The following USP53 variants were observed in gnomAD, a reference collection of about 807,000 sequenced individuals.
The protein encoded by USP53 is ubiquitin carboxyl-terminal hydrolase 53.
Under a neutral mutation model 94.9 loss-of-function variants are expected in USP53, and 71 were observed. The observed-to-expected ratio is 0.75, with a 90% CI of 0.62 to 0.91. The LOEUF (loss-of-function observed/expected upper bound fraction) is 0.91, where lower values mean the gene tolerates loss of function less well. Ranked by LOEUF, USP53 falls within the 40% of genes least tolerant of loss-of-function variation. The probability of loss-of-function intolerance (pLI) is 0.00; values close to 1 mark genes in which losing one functional copy is unlikely to be tolerated. For synonymous variants in USP53, 375 were observed against 422.7 expected (o/e 0.89, Z 1.39); for missense variants, 1,173 against 1,281.0 (o/e 0.92, Z 1.29).
intron 17 of USP53, among the ~76,000 whole-genome samples, chr4:119,290,819 A>G (rs1285142342): frequency 3.3e-5 from 5 of 152,266 alleles, no homozygotes; most frequent in African/African-American, 1.2e-4. Flanking sequence ...GCGATCTTCA[A>G]ATGCAGGGTT....
At chr4:119,260,776 A>G (rs1750394711) in intron 11 of USP53, 123 bp downstream of exon 11, 1 of 1,069,104 alleles carries the variant, frequency 9.4e-7, no homozygotes, top group South Asian at 1.9e-5. Context: ...CCTTTACTAC[A>G]TAGACTAGGA....
intron 3 of USP53, among the ~76,000 whole-genome samples, chr4:119,233,437 ATATT>A (rs1186742577): frequency 1.3e-5 from 2 of 152,006 alleles, no homozygotes; most frequent in Middle Eastern, 3.4e-3. Context: ...ATTTCTAGAG[ATATT>A]TATTTATTTC....
rs761960621 is a variant in USP53 at position 119,268,331 on chromosome 4, C to A, written c.1199C>A (p.Ala400Glu). ...AAAGAAAATGGATTTGGTGATCAGG[C>A]AAAGCAGAGAGAAAATCAGAAATTT... ...NLKENGFGDQ[A>E]KQRENQKFPT... Residue 400 changes from alanine (A) to glutamate (E), a missense_variant, in exon 14 of 19, where the codon GCA becomes GAA. Coordinates refer to ENST00000692078, the MANE Select transcript of USP53 (RefSeq NM_001371395.1). 6.2e-7 allele frequency: 1 copy of A among 1,613,740 alleles called. No homozygotes were observed. Among genetic ancestry groups the A allele is most frequent in the South Asian group, 1.1e-5 (1 of 91,058 alleles).
chr4:119,260,322 CTTTTA>C (rs2149385464), intron 10 of USP53, among the ~76,000 whole-genome samples, 180 bp from the exon 11 acceptor site: 1 of 151,974 alleles, frequency 6.6e-6, no homozygotes, highest in African/African-American at 2.4e-5. Flanking sequence ...TCAAAGAATA[CTTTTA>C]TTTAAAATAA....
intron 17 of USP53, among the ~76,000 whole-genome samples, chr4:119,275,159 T>C (rs1418907993): frequency 8.7e-5 from 5 of 57,464 alleles, no homozygotes; most frequent in African/African-American, 3.3e-4. Context: ...GTTTTGGACA[T>C]GAAGTCCTTG....
Position 119,212,741 on chromosome 4 carries a change from A to T in USP53, c.-1074A>T, listed in dbSNP as rs1013031488. 3.9e-5 allele frequency: 13 copies of T among 329,726 alleles called. No individual in the cohort carries two copies. The highest frequency in any genetic ancestry group is 2.8e-4 in the African/African-American group (13 of 46,386). 20.4% of individuals were successfully genotyped at this position (329,726 alleles called of 1,614,324 possible). A position where few individuals can be genotyped will look rare whatever the true frequency, so the allele number is the denominator to read the frequency against. ...TCCCGGTGAGCCTCGGTACTGTGGCAGCAGTCAGTGTGTCTGGCGGGTGTC... is the reference window on the plus strand; with the variant it reads ...TCCCGGTGAGCCTCGGTACTGTGGCTGCAGTCAGTGTGTCTGGCGGGTGTC... On this transcript the variant is annotated 5_prime_UTR_variant, in exon 1 of 19. Transcript: ENST00000692078.
chr4:119,282,027 T>C (rs1293328328), intron 17 of USP53, among the ~76,000 whole-genome samples: 1 of 152,106 alleles, frequency 6.6e-6, no homozygotes, highest in African/African-American at 2.4e-5. Flanking sequence ...TCTCTGTGAA[T>C]TGGACTATTT....
intron 3 of USP53, among the ~76,000 whole-genome samples, chr4:119,223,314 A>G (rs1744799746): frequency 6.6e-6 from 1 of 152,208 alleles, no homozygotes; most frequent in Non-Finnish European, 1.5e-5. Flanking sequence ...GAGGAAAGCA[A>G]TTGTGAAAGC....
rs918286150 is a variant in USP53, at chr4:119,214,126, A to G, written c.-885A>G. The G allele has an allele frequency of 6.6e-6, 1 of 151,782 alleles. No homozygotes were observed. Among genetic ancestry groups the G allele is most frequent in the African/African-American group, 2.4e-5 (1 of 41,334 alleles). The allele number at this position is 151,782 out of a possible 1,614,324, so 9.4% of individuals were successfully genotyped here. On this transcript the variant is annotated 5_prime_UTR_variant, in exon 2 of 19. Transcript: ENST00000692078. ...CGTCCTGTTAAAGATAAATTAAAAAAAAAAAAAAAAAACCAAAGGGAACAA... is the reference window on the plus strand; with the variant it reads ...CGTCCTGTTAAAGATAAATTAAAAAGAAAAAAAAAAAACCAAAGGGAACAA...
chr4:119,260,955 T>C (rs1421767199), intron 11 of USP53, among the ~76,000 whole-genome samples: 1 of 10,218 alleles, frequency 9.8e-5, no homozygotes, highest in Admixed American at 6.5e-4. Flanking sequence ...TCTCTCTTTT[T>C]TTTTTTTTTT....
At position 119,267,206 on chromosome 4, in the gene USP53, C is replaced by T. The variant is rs1044492663; in HGVS notation, c.973-114C>T. 7 of 843,456 alleles carry T rather than the reference C, an allele frequency of 8.3e-6. No homozygotes were observed. The Admixed American group carries it at 2.2e-4, about 26-fold the overall frequency. 52.2% of individuals were successfully genotyped at this position (843,456 alleles called of 1,614,324 possible). On this transcript the variant is annotated intron_variant, in intron 12 of 18. Coordinates refer to ENST00000692078, the MANE Select transcript of USP53 (RefSeq NM_001371395.1). The stretch of plus-strand genomic sequence containing the variant: ...ATATGATACATACTTGAACTACTAG[C>T]AGCTGCATATCTAAATTTTTTAAAA...
chr4:119,222,629 C>T (rs1744702337), intron 3 of USP53, among the ~76,000 whole-genome samples: 2 of 152,148 alleles, frequency 1.3e-5, no homozygotes, highest in African/African-American at 4.8e-5. Context: ...GACTGGATTT[C>T]ATTCTTTTTT....
intron 17 of USP53, among the ~76,000 whole-genome samples, chr4:119,284,535 G>T (rs1402213384): frequency 6.6e-6 from 1 of 151,832 alleles, no homozygotes; most frequent in African/African-American, 2.4e-5. Flanking sequence ...AATTGTAGCG[G>T]AGGGATTTCA....
At chr4:119,226,782 T>C (rs1032224258) in intron 3 of USP53, among the ~76,000 whole-genome samples, 1 of 152,188 alleles carries the variant, frequency 6.6e-6, no homozygotes, top group Non-Finnish European at 1.5e-5. Flanking sequence ...TGGACCAACC[T>C]AGTAGAATAG....
At chr4:119,268,566 T>C (rs1578522638) in intron 14 of USP53, 146 bp downstream of exon 14, 2 of 815,566 alleles carry the variant, frequency 2.5e-6, no homozygotes, top group East Asian at 5.7e-5. Flanking sequence ...TTTATGCATT[T>C]CTCTGAGAGC....
At chr4:119,256,553 C>T (rs7668423) in intron 9 of USP53, 30 bp downstream of exon 9, 543,561 of 1,594,598 alleles carry the variant, frequency 0.34, 93,942 homozygotes, top group South Asian at 0.43. Flanking sequence ...TAATTATCAA[C>T]GATATTAATA....
At chr4:119,248,000 T>G (rs1002471589) in intron 6 of USP53, among the ~76,000 whole-genome samples, 2 of 152,170 alleles carry the variant, frequency 1.3e-5, no homozygotes, top group Non-Finnish European at 2.9e-5. Flanking sequence ...TGAGATGACA[T>G]GACCCTTTGA....
At position 119,292,894 on chromosome 4, in the gene USP53, C is replaced by A. The variant is rs76939512; in HGVS notation, c.2905C>A (p.Pro969Thr). The A allele has an allele frequency of 5.9e-4, 955 of 1,613,976 alleles. 3 individuals are homozygous for A. The African/African-American group carries it at 0.011, about 19-fold the overall frequency. The change falls in exon 19 of 19, where the codon CCA (proline) becomes ACA (threonine). Residue 969 changes from proline to threonine, a missense_variant. Coordinates refer to ENST00000692078, the MANE Select transcript of USP53 (RefSeq NM_001371395.1). ...PKHSLSTASE[P>T]SLEVSTHMND... ...GCACAGTTTAAGTACAGCTTCAGAA[C>A]CAAGTTTAGAAGTGAGTACACATAT...
chr4:119,263,298 A>AC, intron 12 of USP53, among the ~76,000 whole-genome samples: 1 of 152,186 alleles, frequency 6.6e-6, no homozygotes, highest in Middle Eastern at 3.4e-3. Flanking sequence ...CTCTATAATT[A>AC]CCCCCTGCTT....
Sources: allele counts gnomAD v4.1 joint callset (sites outside exome capture counted in the v4.1 genomes callset), GRCh38; gene constraint gnomAD v4.1.1; transcripts MANE v1.5; gene names NCBI Gene and HGNC (gene_info 2026-07-23, HGNC 2026-07-21).